SMG1: variants seen among roughly 807,000 people sequenced by gnomAD.
SMG1 encodes serine/threonine-protein kinase SMG1.
SMG1 carries 22 observed loss-of-function variants against 419.9 expected under a neutral mutation model. The ratio of observed to expected loss-of-function variants is 0.05; its 90% CI spans 0.04 to 0.07. SMG1 has a LOEUF of 0.07. Among genes scored for constraint, SMG1 ranks in the 10% least tolerant of loss-of-function variants. SMG1 has a pLI of 1.00. For missense variants in SMG1, 3,185 were observed against 4,342.0 expected, an observed-to-expected ratio of 0.73 and a Z score of 7.49; for synonymous variants, 1,538 against 1,553.5, an observed-to-expected ratio of 0.99 and a Z score of 0.23.
In SMG1 at chr16:18,853,886, T is replaced by A; in HGVS notation, c.4484-19A>T. ...GACTGGCCTACAGAAAACCACAAAG[T>A]CAGAACTTAGAACCTTTAAAAGCAA... is the stretch of plus-strand genomic sequence containing the variant. On this transcript the variant is annotated intron_variant, in intron 30 of 62. Transcript: ENST00000446231. The A allele has an allele frequency of 6.3e-7, 1 of 1,591,056 alleles. No individual in the cohort carries two copies. Among genetic ancestry groups the A allele is most frequent in the Non-Finnish European group, 8.6e-7 (1 of 1,167,244 alleles).
At chr16:18,861,943 CT>C (rs1376573711) in intron 25 of SMG1, among the ~76,000 whole-genome samples, 2 of 152,116 alleles carry the variant, frequency 1.3e-5, no homozygotes, top group Non-Finnish European at 2.9e-5. Flanking sequence ...GTTCTTTCTC[CT>C]GTTTCTTCAA....
In SMG1 at chr16:18,834,293, G is replaced by A. The variant is rs149571582; in HGVS notation, c.8476C>T (p.His2826Tyr). 239 of 1,612,010 alleles carry A rather than the reference G, an allele frequency of 1.5e-4. No homozygotes were observed. In the African/African-American group the frequency reaches 3.0e-3, roughly 20 times the overall value. Reference protein sequence around the residue: ...TCLVQLLKQCHLVPQDLDIPN... With the variant: ...TCLVQLLKQCYLVPQDLDIPN... The stretch of plus-strand genomic sequence containing the variant: ...ATATCTAAGTCCTGTGGCACCAGGT[G>A]GCACTGCTTCAGTAACTGAACCAAG... Residue 2826 changes from histidine (H) to tyrosine (Y), a missense_variant, in exon 50 of 63, where the codon CAC becomes TAC. Physicochemically the swap from His to Tyr is moderately conservative, Grantham distance 83. Transcript: ENST00000446231.
At chr16:18,884,239 A>T (rs1446487006) in intron 8 of SMG1, 72 bp from the exon 9 acceptor site, 2 of 711,416 alleles carry the variant, frequency 2.8e-6, no homozygotes, top group East Asian at 5.5e-5. Flanking sequence ...TTAAAAAAAA[A>T]TAAGAGGCTT....
rs536738492 is a variant in SMG1 at position 18,857,529 on chromosome 16, T to C, written c.4234+641A>G. On this transcript the variant is annotated intron_variant, in intron 29 of 62. Transcript: ENST00000446231. ...CACTCAGCATCATTAATCAAGAAAA[T>C]GTAAATAAAATTATGAGATAATCAC... The C allele has an allele frequency of 1.1e-4, 17 of 152,110 alleles. No homozygotes were observed. The South Asian group carries it at 2.1e-3, about 19-fold the overall frequency. The allele number at this position is 152,110 out of a possible 1,614,324, so 9.4% of individuals were successfully genotyped here.
chr16:18,852,472 T>C lies in SMG1; in HGVS notation c.4769-10A>G. On this transcript the variant is annotated splice_polypyrimidine_tract_variant and intron_variant, in intron 31 of 62. Transcript: ENST00000446231. ...CCAACTCCAATATGCACTGCCAAAA[T>C]GGACAAAAAAATAATTATAATAAAA... The C allele has an allele frequency of 6.6e-7, 1 of 1,510,952 alleles. No homozygotes were observed. Among genetic ancestry groups the C allele is most frequent in the East Asian group, 2.4e-5 (1 of 41,760 alleles). 93.6% of individuals were successfully genotyped at this position (1,510,952 alleles called of 1,614,324 possible).
At chr16:18,913,352 GA>G (rs2037858176) in intron 1 of SMG1, among the ~76,000 whole-genome samples, 1 of 152,050 alleles carries the variant, frequency 6.6e-6, no homozygotes, top group Admixed American at 6.6e-5. Flanking sequence ...ACTCCAAGAT[GA>G]AAGTTAAAAT....
intron 54 of SMG1, among the ~76,000 whole-genome samples, chr16:18,828,380 T>C (rs758488502): frequency 6.6e-6 from 1 of 152,144 alleles, no homozygotes; most frequent in Non-Finnish European, 1.5e-5. Flanking sequence ...GCTAATAAAT[T>C]TCTTGGATCA....
At chr16:18,864,656 T>A (rs896371261) in intron 23 of SMG1, among the ~76,000 whole-genome samples, 1 of 152,022 alleles carries the variant, frequency 6.6e-6, no homozygotes, top group African/African-American at 2.4e-5. Context: ...CCACCACACC[T>A]GGCTAAAACA....
At chr16:18,874,452 T>TAACCGTGCCCAGCCCACACCTA in intron 13 of SMG1, among the ~76,000 whole-genome samples, 1 of 151,696 alleles carries the variant, frequency 6.6e-6, no homozygotes, top group East Asian at 1.9e-4. Context: ...ACCTATTACT[T>TAACCGTGCCCAGCCCACACCTA]TCTATTAAAA....
intron 23 of SMG1, chr16:18,866,097 T>C (rs937974787): frequency 2.1e-4 from 34 of 160,974 alleles, no homozygotes; most frequent in African/African-American, 6.5e-4. Flanking sequence ...CATATGGATA[T>C]GGAAATACAG....
At chr16:18,905,290 T>C (rs1241022605) in intron 1 of SMG1, among the ~76,000 whole-genome samples, 2 of 151,988 alleles carry the variant, frequency 1.3e-5, no homozygotes, top group Admixed American at 6.6e-5. Context: ...AAAAAAACCC[T>C]TTAACTGCCT....
At position 18,828,111 on chromosome 16, in the gene SMG1, G is replaced by A. The variant is rs1479186136; in HGVS notation, c.9661C>T (p.Pro3221Ser). 1.2e-6 allele frequency: 2 copies of A among 1,613,706 alleles called. No individual in the cohort carries two copies. The highest frequency in any genetic ancestry group is 1.7e-5 in the Admixed American group (1 of 59,992). ...ATGCTGGTTAGGATAGCAGACCGTG[G>A]GGGAGGTGTGACTGACATGGCTTGT... is the stretch of plus-strand genomic sequence containing the variant. The part of the protein sequence containing the change: ...RPQAMSVTPP[P>S]RSAILTSMKK... Residue 3221 changes from proline to serine, a missense_variant, in exon 55 of 63, where the codon CCA (proline) becomes TCA (serine). Transcript: ENST00000446231.
chr16:18,838,004 T>C lies in SMG1; in HGVS notation c.7413+10A>G. On this transcript the variant is annotated intron_variant, in intron 45 of 62. Coordinates refer to ENST00000446231, the MANE Select transcript of SMG1 (RefSeq NM_015092.5). ...AGAAGACAATGACTTATTCCGTCAC[T>C]GGGCTTCACCTTAATCTCAGCTACT... 6.2e-7 allele frequency: 1 copy of C among 1,613,220 alleles called. No individual in the cohort carries two copies. Among genetic ancestry groups the C allele is most frequent in the Non-Finnish European group, 8.5e-7 (1 of 1,179,434 alleles).
rs542925132 is a variant in SMG1, at chr16:18,923,724, C to T, written c.92+2226G>A. On this transcript the variant is annotated intron_variant, in intron 1 of 62. Coordinates refer to ENST00000446231, the MANE Select transcript of SMG1 (RefSeq NM_015092.5). Reference sequence around the variant, plus strand: ...ACATAAGAGGCAAAAAAAAATTAATCAAAATTATTCAGATGAACCATAATA... The same window carrying T: ...ACATAAGAGGCAAAAAAAAATTAATTAAAATTATTCAGATGAACCATAATA... Among the ~76,000 whole-genome samples the T allele has an allele frequency of 3.2e-4, 48 of 151,984 alleles. 1 individual carries two copies. The Middle Eastern group carries it at 0.017, about 54-fold the overall frequency.
chr16:18,846,555 T>C (rs181454499), intron 38 of SMG1, among the ~76,000 whole-genome samples: 16 of 152,116 alleles, frequency 1.1e-4, no homozygotes, highest in African/African-American at 3.1e-4. Flanking sequence ...AATTAAAAAA[T>C]GGGCAAAGGA....
chr16:18,834,068 A>T, intron 50 of SMG1, 136 bp downstream of exon 50: 1 of 674,528 alleles, frequency 1.5e-6, no homozygotes, highest in Non-Finnish European at 2.5e-6. Flanking sequence ...TATAAATCTC[A>T]CAATTATCTT....
intron 38 of SMG1, among the ~76,000 whole-genome samples, chr16:18,846,264 A>G (rs1430923341): frequency 6.6e-6 from 1 of 152,246 alleles, no homozygotes; most frequent in Non-Finnish European, 1.5e-5. Flanking sequence ...CTTAAAAGCT[A>G]GAACTACAAA....
At chr16:18,882,644 T>C (rs1370543360) in intron 9 of SMG1, among the ~76,000 whole-genome samples, 1 of 152,212 alleles carries the variant, frequency 6.6e-6, no homozygotes, top group Non-Finnish European at 1.5e-5. Context: ...TAGGTATAAA[T>C]GAAGACGGAA....
At position 18,852,215 on chromosome 16, in the gene SMG1, T is replaced by TA; in HGVS notation, c.4914-11dup. On this transcript the variant is annotated splice_polypyrimidine_tract_variant and intron_variant, in intron 32 of 62. Transcript: ENST00000446231. Reference sequence around the variant, plus strand: ...AACACCTTCTCCCTGACTATAAAAATAAACAAGTCATCAGTATTTCAGCTA... The same window carrying TA: ...AACACCTTCTCCCTGACTATAAAAATAAAACAAGTCATCAGTATTTCAGCTA... 6.2e-7 allele frequency: 1 copy of TA among 1,610,308 alleles called. No individual in the cohort carries two copies. The highest frequency in any genetic ancestry group is 1.1e-5 in the South Asian group (1 of 90,270).
Sources: gnomAD v4.1 joint callset for allele counts (sites outside exome capture counted in the v4.1 genomes callset) on GRCh38, gnomAD v4.1.1 for gene constraint, MANE v1.5 for transcripts, NCBI Gene and HGNC (gene_info 2026-07-23, HGNC 2026-07-21) for gene names.